The following SH3D21 variants were observed in gnomAD, a reference collection of about 807,000 sequenced individuals.
SH3D21 encodes SH3 domain-containing protein 21.
SH3D21 carries 83 observed loss-of-function variants against 82.1 expected under a neutral mutation model. The ratio of observed to expected loss-of-function variants is 1.01; its 90% CI spans 0.85 to 1.21. The LOEUF (loss-of-function observed/expected upper bound fraction) is 1.21. SH3D21 is among the 50% of genes most tolerant of loss of function. The probability of loss-of-function intolerance (pLI) is 0.00; values close to 1 mark genes in which losing one functional copy is unlikely to be tolerated. For synonymous variants in SH3D21, 383 were observed against 387.8 expected (o/e 0.99, Z 0.15); for missense variants, 980 against 962.1 (o/e 1.02, Z -0.25).
At chr1:36,323,787 C>G (rs1646511198), downstream of SH3D21, 1 of 152,336 alleles carries the variant, frequency 6.6e-6, no homozygotes, top group Admixed American at 6.5e-5. Flanking sequence ...CCGGGGAGGC[C>G]GCGGCAGGGA....
intron 12 of SH3D21, 46 bp from the exon 13 acceptor site, chr1:36,319,396 C>T: frequency 6.4e-7 from 1 of 1,550,770 alleles, no homozygotes; most frequent in Non-Finnish European, 8.7e-7. Context: ...TGGGAAGAGA[C>T]TGAGGGTCAG....
At chr1:36,321,874 G>A (rs1264204511), downstream of SH3D21, 2 of 1,034,534 alleles carry the variant, frequency 1.9e-6, no homozygotes, top group African/African-American at 1.7e-5. This position sits in a 1 kb window ranked among gnomAD's most constrained non-coding sequence, Gnocchi z 6.1. Flanking sequence ...TGCTGGCTGT[G>A]AAGTGAATGC....
At position 36,308,107 on chromosome 1, in the gene SH3D21, A is replaced by C. The variant is rs964866347; in HGVS notation, c.539-2A>C. 29 of 1,546,756 alleles carry C rather than the reference A, an allele frequency of 1.9e-5. No homozygotes were observed. Among genetic ancestry groups the C allele is most frequent in the Non-Finnish European group, 2.5e-5 (29 of 1,144,186 alleles). ...GAGGACAGTGGACTGACCTCTTCCC[A>C]GTCTCCCACCCTGAGGTCTACAGGG... On this transcript the variant is annotated splice_acceptor_variant, in intron 7 of 15. Transcript: ENST00000453908. LOFTEE classifies it high-confidence loss of function.
chr1:36,326,292 C>T (rs1238907739), downstream of SH3D21, among the ~76,000 whole-genome samples: 2 of 150,096 alleles, frequency 1.3e-5, no homozygotes, highest in Non-Finnish European at 1.5e-5. Flanking sequence ...AGTACAAAGG[C>T]GCGATCTCTG....
chr1:36,320,863 C>G, intron 14 of SH3D21, 52 bp from the exon 15 acceptor site: 1 of 1,550,978 alleles, frequency 6.4e-7, no homozygotes, highest in East Asian at 2.4e-5. Flanking sequence ...TGCGCAGCCC[C>G]TCACCTCCAG....
At chr1:36,326,631 G>T (rs1001262124), downstream of SH3D21, among the ~76,000 whole-genome samples, 1 of 152,196 alleles carries the variant, frequency 6.6e-6, no homozygotes, top group Non-Finnish European at 1.5e-5. Flanking sequence ...CCCTGTGGTG[G>T]CTCAGTGTAG....
At chr1:36,323,130 G>T, downstream of SH3D21, 3 of 1,405,186 alleles carry the variant, frequency 2.1e-6, no homozygotes, top group Middle Eastern at 3.7e-4. Flanking sequence ...CCCTTCCGCG[G>T]GCAGCTCCTC....
Position 36,306,802 on chromosome 1 carries a change from C to T in SH3D21, c.163-40C>T, listed in dbSNP as rs1646130890. 7.7e-7 allele frequency: 1 copy of T among 1,292,522 alleles called. No homozygotes were observed. Among genetic ancestry groups the T allele is most frequent in the Non-Finnish European group, 1.0e-6 (1 of 987,976 alleles). The allele number at this position is 1,292,522 out of a possible 1,614,324, so 80.1% of individuals were successfully genotyped here. ...GCTGTGGGGTCTCAGCGCGCGCCCC[C>T]CGGGAGCTGAGAGCGCCTTCCCCGT... is the stretch of plus-strand genomic sequence containing the variant. On this transcript the variant is annotated intron_variant, in intron 2 of 15. Transcript: ENST00000453908. The surrounding 1 kb of genome is among the most constrained non-coding windows in gnomAD (Gnocchi z 4.5).
rs1258297500 is a variant in SH3D21, at chr1:36,307,808, C to T, written c.475C>T (p.Pro159Ser). ...AGACATGCCTTCAGTCAGCCCTGGT[C>T]CCCAGCGGCCTCCCAAGGTAAGTTG... Reference protein sequence around the residue: ...NPDMPSVSPGPQRPPKLSSLA... With the variant: ...NPDMPSVSPGSQRPPKLSSLA... Residue 159 changes from proline (P) to serine (S), a missense_variant, in exon 6 of 16, where the codon CCC (proline) becomes TCC (serine). By Grantham distance (74) the Pro-to-Ser change is moderately conservative (BLOSUM62 -1). Transcript: ENST00000453908. This position sits in a 1 kb window ranked among gnomAD's most constrained non-coding sequence, Gnocchi z 5.4. 6.4e-7 allele frequency: 1 copy of T among 1,551,748 alleles called. No individual in the cohort carries two copies. Among genetic ancestry groups the T allele is most frequent in the South Asian group, 1.2e-5 (1 of 84,050 alleles).
At chr1:36,315,242 C>T (rs1050154055) in intron 10 of SH3D21, among the ~76,000 whole-genome samples, 2 of 151,910 alleles carry the variant, frequency 1.3e-5, no homozygotes, top group African/African-American at 4.8e-5. Context: ...CGCCACTGCA[C>T]TCCAGCCTAG....
chr1:36,329,701 A>T (rs1248608496), downstream of SH3D21, among the ~76,000 whole-genome samples: 2 of 152,108 alleles, frequency 1.3e-5, no homozygotes, highest in Non-Finnish European at 2.9e-5. Context: ...TGATGAACAC[A>T]ATGAAAAAAA....
downstream of SH3D21, chr1:36,322,884 G>T (rs1646491835): frequency 1.3e-6 from 2 of 1,550,202 alleles, no homozygotes; most frequent in Non-Finnish European, 1.8e-6. Context: ...GGAGCGGGGC[G>T]GAGGGGACGG....
At position 36,306,929 on chromosome 1, in the gene SH3D21, C is replaced by T; in HGVS notation, c.226+24C>T. On this transcript the variant is annotated intron_variant, in intron 3 of 15. Transcript: ENST00000453908. The surrounding 1 kb of genome is among the most constrained non-coding windows in gnomAD (Gnocchi z 4.5). ...AGGTGAGCGCAAGGGCGGGGACGGGCGCCGGTGGGCGGGTGCACGGAGCCA... is the reference window on the plus strand; with the variant it reads ...AGGTGAGCGCAAGGGCGGGGACGGGTGCCGGTGGGCGGGTGCACGGAGCCA... 7.6e-7 allele frequency: 1 copy of T among 1,323,290 alleles called. No individual in the cohort carries two copies. Among genetic ancestry groups the T allele is most frequent in the Non-Finnish European group, 9.8e-7 (1 of 1,021,640 alleles). The allele number at this position is 1,323,290 out of a possible 1,614,324, so 82.0% of individuals were successfully genotyped here. A position where few individuals can be genotyped will look rare whatever the true frequency, so the allele number is the denominator to read the frequency against.
Position 36,320,461 on chromosome 1 carries a change from CCT to C in SH3D21, c.1799_1800del (p.Pro600ArgfsTer37). 6 of 1,613,606 alleles carry C rather than the reference CCT, an allele frequency of 3.7e-6. No individual in the cohort carries two copies. Among genetic ancestry groups the C allele is most frequent in the Non-Finnish European group, 5.1e-6 (6 of 1,179,854 alleles). On this transcript the variant is annotated frameshift_variant, in exon 14 of 16. Coordinates refer to ENST00000453908, the MANE Select transcript of SH3D21 (RefSeq NM_001162530.2). LOFTEE classifies it high-confidence loss of function. ...GGCACCTTCCAATGACGAGAGGACCCCTGAAGAGGAGGCGCCCCCCAACGAGC... is the reference window on the plus strand; with the variant it reads ...GGCACCTTCCAATGACGAGAGGACCCGAAGAGGAGGCGCCCCCCAACGAGC... ...EEAPSNDERT[P>X]EEEAPPNEQR...
downstream of SH3D21, among the ~76,000 whole-genome samples, chr1:36,325,063 TCTCA>T (rs1311466683): frequency 1.3e-5 from 2 of 152,200 alleles, no homozygotes; most frequent in African/African-American, 4.8e-5. Context: ...TGAGACAGGG[TCTCA>T]CTCTGTCACC....
chr1:36,306,702 C>T lies in SH3D21; in HGVS notation c.109C>T (p.Leu37Phe). Reference protein sequence around the residue: ...QVRWVPARGWLRGEFGGRYGL... With the variant: ...QVRWVPARGWFRGEFGGRYGL... ...GCGCTGGGTGCCCGCGCGGGGCTGG[C>T]TTCGCGGAGAGTTTGGGGGCCGCTA... Residue 37 changes from leucine to phenylalanine, a missense_variant, in exon 2 of 16, where the codon CTT (leucine) becomes TTT (phenylalanine). Physicochemically the swap from Leu to Phe is conservative, Grantham distance 22. Transcript: ENST00000453908. The surrounding 1 kb of genome is among the most constrained non-coding windows in gnomAD (Gnocchi z 4.5). The T allele has an allele frequency of 7.7e-7, 1 of 1,293,952 alleles. No individual in the cohort carries two copies. 80.2% of individuals were successfully genotyped at this position (1,293,952 alleles called of 1,614,324 possible).
At chr1:36,323,526 C>G (rs923903578), downstream of SH3D21, 1 of 152,050 alleles carries the variant, frequency 6.6e-6, no homozygotes, top group African/African-American at 2.4e-5. Context: ...TGGGTCCGGC[C>G]GCCCCCGCCC....
At chr1:36,309,440 A>G (rs1028504886) in intron 9 of SH3D21, 108 bp from the exon 10 acceptor site, 5 of 1,273,352 alleles carry the variant, frequency 3.9e-6, no homozygotes, top group African/African-American at 1.5e-5. Context: ...CAAGTGATCC[A>G]CTCCCAAAGT....
chr1:36,330,130 A>G (rs2124715065), downstream of SH3D21, among the ~76,000 whole-genome samples: 1 of 152,170 alleles, frequency 6.6e-6, no homozygotes, highest in South Asian at 2.1e-4. Context: ...ACACACCCCG[A>G]CCCAGTTCCT....
Sources: allele counts gnomAD v4.1 joint callset (sites outside exome capture counted in the v4.1 genomes callset), GRCh38; gene constraint gnomAD v4.1.1; non-coding constraint Gnocchi (gnomAD v3.1); transcripts MANE v1.5; gene names NCBI Gene and HGNC (gene_info 2026-07-23, HGNC 2026-07-21).